Variants in RBFOX1 observed in about 807,000 individuals in gnomAD.
The protein encoded by RBFOX1 is RNA binding fox-1 homolog 1.
Under a neutral mutation model 57.7 loss-of-function variants are expected in RBFOX1, and 8 were observed. That is an observed-to-expected ratio of 0.14 (90% confidence interval 0.08 to 0.25). RBFOX1 has a LOEUF of 0.25. Among genes scored for constraint, RBFOX1 ranks in the 10% least tolerant of loss-of-function variants. RBFOX1 has a pLI of 1.00. For missense variants in RBFOX1, 611 were observed against 548.5 expected (o/e 1.11, Z -1.14); for synonymous variants, 326 against 222.4 (o/e 1.47, Z -4.15).
intron 11 of RBFOX1, among the ~76,000 whole-genome samples, chr16:7,649,102 C>T (rs978156138): frequency 6.6e-6 from 1 of 151,940 alleles, no homozygotes; most frequent in African/African-American, 2.4e-5. Context: ...CAAAAGGAAG[C>T]TTATAAAGAA....
intron 12 of RBFOX1, among the ~76,000 whole-genome samples, chr16:7,659,975 C>T (rs2067287921): frequency 6.6e-6 from 1 of 152,120 alleles, no homozygotes; most frequent in African/African-American, 2.4e-5. Context: ...TCTGATCCCC[C>T]CAATATCCAT....
At chr16:7,424,145 A>C (rs898845626) in intron 4 of RBFOX1, among the ~76,000 whole-genome samples, 4 of 152,200 alleles carry the variant, frequency 2.6e-5, no homozygotes, top group Non-Finnish European at 4.4e-5. Context: ...AAAAAGAGCC[A>C]TGCAATGATA....
At chr16:5,384,299 G>C (rs1029389692) in intron 1 of RBFOX1, among the ~76,000 whole-genome samples, 7 of 151,992 alleles carry the variant, frequency 4.6e-5, no homozygotes, top group Admixed American at 3.3e-4. Flanking sequence ...AGCAGCAGTA[G>C]CAGCAGCAGC....
intron 2 of RBFOX1, among the ~76,000 whole-genome samples, chr16:6,445,943 G>T (rs2094476479): frequency 6.7e-6 from 1 of 149,972 alleles, no homozygotes; most frequent in Non-Finnish European, 1.5e-5. Flanking sequence ...TATACACAGA[G>T]TAGGTCCTTT....
At chr16:5,324,333 C>T (rs1193887691) in intron 1 of RBFOX1, among the ~76,000 whole-genome samples, 1 of 152,142 alleles carries the variant, frequency 6.6e-6, no homozygotes, top group Admixed American at 6.5e-5. Context: ...CATGGTGGTG[C>T]ACGCCTGTAA....
chr16:6,418,214 G>C (rs2093677890), intron 2 of RBFOX1, among the ~76,000 whole-genome samples: 1 of 152,188 alleles, frequency 6.6e-6, no homozygotes, highest in African/African-American at 2.4e-5. Context: ...CTGAGGCTTG[G>C]AGAGACCATA....
chr16:7,159,316 A>G (rs2077795773), intron 4 of RBFOX1, among the ~76,000 whole-genome samples: 1 of 152,070 alleles, frequency 6.6e-6, no homozygotes, highest in Non-Finnish European at 1.5e-5. Flanking sequence ...CGTCATGCCT[A>G]TCCCAGAGAC....
chr16:7,212,775 C>T (rs929665836), intron 4 of RBFOX1, among the ~76,000 whole-genome samples: 10 of 152,168 alleles, frequency 6.6e-5, no homozygotes, highest in Admixed American at 6.5e-4. Flanking sequence ...CACCATGGCA[C>T]ATGTATACCT....
At chr16:6,896,731 A>C (rs2067012349) in intron 3 of RBFOX1, among the ~76,000 whole-genome samples, 1 of 152,164 alleles carries the variant, frequency 6.6e-6, no homozygotes, top group Non-Finnish European at 1.5e-5. Context: ...ATGCTCTATG[A>C]ATGCGAGGTC....
At chr16:6,798,666 T>A (rs1158880564) in intron 3 of RBFOX1, among the ~76,000 whole-genome samples, 2 of 152,228 alleles carry the variant, frequency 1.3e-5, no homozygotes, top group African/African-American at 4.8e-5. Context: ...TTTTTGGCTT[T>A]AATTTTGTGC....
chr16:6,240,692 A>C (rs141148176), intron 1 of RBFOX1, among the ~76,000 whole-genome samples: 1 of 152,074 alleles, frequency 6.6e-6, no homozygotes, highest in East Asian at 1.9e-4. Context: ...CCTAAAAAAA[A>C]AATGCCATTG....
chr16:5,777,100 T>C (rs2054172864), intron 3 of RBFOX1, among the ~76,000 whole-genome samples: 1 of 152,238 alleles, frequency 6.6e-6, no homozygotes, highest in Admixed American at 6.5e-5. Context: ...ACTCACACTT[T>C]GTGGTTTAAA....
chr16:6,124,327 A>G (rs1266034678), intron 1 of RBFOX1, among the ~76,000 whole-genome samples: 1 of 152,254 alleles, frequency 6.6e-6, no homozygotes, highest in African/African-American at 2.4e-5. Flanking sequence ...CCCCAGCGTG[A>G]AAGTTTTCAC....
At chr16:7,374,737 C>G (rs951031097) in intron 4 of RBFOX1, among the ~76,000 whole-genome samples, 1 of 152,204 alleles carries the variant, frequency 6.6e-6, no homozygotes, top group Non-Finnish European at 1.5e-5. Flanking sequence ...CTTGTGCTCC[C>G]AGGAGTCTTT....
chr16:5,403,305 G>T (rs1187333303), intron 1 of RBFOX1, among the ~76,000 whole-genome samples: 1 of 147,122 alleles, frequency 6.8e-6, no homozygotes, highest in African/African-American at 2.5e-5. Flanking sequence ...TGCCGAGATC[G>T]TGCCATTGCA....
chr16:7,670,056 T>A (rs1224267770), intron 13 of RBFOX1, among the ~76,000 whole-genome samples: 3 of 152,170 alleles, frequency 2.0e-5, no homozygotes, highest in Admixed American at 1.3e-4. Flanking sequence ...TTGGGAGACA[T>A]AGCCTCCCTG....
intron 3 of RBFOX1, among the ~76,000 whole-genome samples, chr16:7,006,748 A>G (rs571716215): frequency 3.3e-5 from 5 of 152,252 alleles, no homozygotes; most frequent in South Asian, 2.1e-4. Context: ...ATGCCTGGCA[A>G]TTAATTTGAT....
intron 4 of RBFOX1, among the ~76,000 whole-genome samples, chr16:7,071,315 A>G (rs1037425103): frequency 1.8e-4 from 28 of 152,280 alleles, no homozygotes; most frequent in African/African-American, 6.3e-4. Flanking sequence ...AGGTAGGTAT[A>G]TGTAATTATA....
At chr16:6,085,624 C>A (rs1178302128) in intron 1 of RBFOX1, among the ~76,000 whole-genome samples, 1 of 150,914 alleles carries the variant, frequency 6.6e-6, no homozygotes, top group Non-Finnish European at 1.5e-5. Flanking sequence ...GACCTGAAGG[C>A]AGGCAGGAGA....
Sources: gnomAD v4.1 joint callset for allele counts (sites outside exome capture counted in the v4.1 genomes callset) on GRCh38, gnomAD v4.1.1 for gene constraint, MANE v1.5 for transcripts, NCBI Gene and HGNC (gene_info 2026-07-23, HGNC 2026-07-21) for gene names.